ATRNL1: variants seen among roughly 807,000 people sequenced by gnomAD.
The protein encoded by ATRNL1 is attractin like 1, also known as attractin-like protein 1.
A neutral mutation model predicts 182.7 loss-of-function variants in ATRNL1; 95 were observed. The observed-to-expected ratio is 0.52, with a 90% confidence interval of 0.44 to 0.62. The LOEUF is 0.62. ATRNL1 is among the 20% of genes least tolerant of loss of function. ATRNL1 has a pLI of 0.00. For synonymous variants in ATRNL1, 576 were observed against 568.3 expected (o/e 1.01, Z -0.19); for missense variants, 1,471 against 1,679.5 (o/e 0.88, Z 2.17).
intron 27 of ATRNL1, among the ~76,000 whole-genome samples, chr10:115,766,445 A>T (rs7914740): frequency 1.3e-5 from 2 of 152,322 alleles, no homozygotes; most frequent in East Asian, 3.9e-4. Context: ...TTGTTATGCA[A>T]CCTTTGACTC....
chr10:115,387,344 G>A (rs537283313), intron 19 of ATRNL1, among the ~76,000 whole-genome samples: 2 of 152,114 alleles, frequency 1.3e-5, no homozygotes, highest in African/African-American at 2.4e-5. Flanking sequence ...CAAGATTTGT[G>A]TGTCTCTATA....
At chr10:115,602,713 A>G (rs1346952391) in intron 26 of ATRNL1, among the ~76,000 whole-genome samples, 2 of 152,186 alleles carry the variant, frequency 1.3e-5, no homozygotes, top group African/African-American at 4.8e-5. Context: ...TATACAAAAA[A>G]TTAGCCGGGC....
At chr10:115,177,926 T>G (rs1414292087) in intron 8 of ATRNL1, among the ~76,000 whole-genome samples, 2 of 25,906 alleles carry the variant, frequency 7.7e-5, no homozygotes, top group Non-Finnish European at 1.5e-4. Flanking sequence ...TTTTTTTTGT[T>G]TTTTTTTTTT....
chr10:115,410,161 A>G (rs1554959536), intron 20 of ATRNL1, among the ~76,000 whole-genome samples: 2 of 152,052 alleles, frequency 1.3e-5, no homozygotes, highest in Non-Finnish European at 2.9e-5. Context: ...AATGTCCATC[A>G]GTGATATTAG....
intron 26 of ATRNL1, among the ~76,000 whole-genome samples, chr10:115,648,955 C>T (rs1859809486): frequency 6.6e-6 from 1 of 152,078 alleles, no homozygotes; most frequent in Non-Finnish European, 1.5e-5. Context: ...GTGTTCACCT[C>T]TAGCCTCTGT....
intron 27 of ATRNL1, among the ~76,000 whole-genome samples, chr10:115,754,094 T>G (rs537032462): frequency 7.2e-5 from 11 of 152,318 alleles, no homozygotes; most frequent in African/African-American, 2.6e-4. Flanking sequence ...ATGGATAGAT[T>G]GCAGAAATTT....
intron 26 of ATRNL1, among the ~76,000 whole-genome samples, chr10:115,595,334 A>T (rs17093333): frequency 0.019 from 2,967 of 152,272 alleles, 64 homozygotes; most frequent in East Asian, 0.12. Context: ...ACGAGTTTTC[A>T]ACTGGAAAAT....
At chr10:115,096,885 G>A in intron 1 of ATRNL1, 1 of 939,072 alleles carries the variant, frequency 1.1e-6, no homozygotes. Context: ...CTAGACTAAA[G>A]GACTTGGGAT....
intron 17 of ATRNL1, among the ~76,000 whole-genome samples, chr10:115,313,056 T>C (rs1854115321): frequency 1.3e-5 from 2 of 152,024 alleles, no homozygotes; most frequent in Admixed American, 6.6e-5. Context: ...CATTTTCTTA[T>C]GTTGGTTTTC....
At chr10:115,523,239 A>G (rs186414163) in intron 25 of ATRNL1, among the ~76,000 whole-genome samples, 1 of 152,112 alleles carries the variant, frequency 6.6e-6, no homozygotes, top group Non-Finnish European at 1.5e-5. Context: ...GGGCATGGCA[A>G]TGTTGTCCCA....
chr10:115,485,412 A>T (rs1158450818), intron 24 of ATRNL1, among the ~76,000 whole-genome samples: 1 of 152,022 alleles, frequency 6.6e-6, no homozygotes, highest in Non-Finnish European at 1.5e-5. Flanking sequence ...TTTGAGGTAT[A>T]TATACATTTT....
chr10:115,607,554 A>G (rs1856935106), intron 26 of ATRNL1, among the ~76,000 whole-genome samples: 1 of 151,878 alleles, frequency 6.6e-6, no homozygotes, highest in African/African-American at 2.4e-5. Context: ...TTTAGGAAAT[A>G]TAACCCCCTT....
At chr10:115,362,043 T>G (rs569184388) in intron 19 of ATRNL1, among the ~76,000 whole-genome samples, 198 of 152,198 alleles carry the variant, frequency 1.3e-3, no homozygotes, top group Non-Finnish European at 2.4e-3. Flanking sequence ...AGTAATCTGA[T>G]TAAGTCATAT....
At chr10:115,304,698 C>A (rs1333856241) in intron 17 of ATRNL1, among the ~76,000 whole-genome samples, 4 of 152,104 alleles carry the variant, frequency 2.6e-5, no homozygotes, top group Admixed American at 2.6e-4. Flanking sequence ...AAAAAACTGG[C>A]CTTCCCACCC....
At chr10:115,336,575 A>C (rs1554936763) in intron 19 of ATRNL1, among the ~76,000 whole-genome samples, 1 of 152,188 alleles carries the variant, frequency 6.6e-6, no homozygotes, top group Admixed American at 6.5e-5. Flanking sequence ...TTCACATTAC[A>C]ATTTGTGTGT....
At chr10:115,600,083 A>ATG (rs1353113461) in intron 26 of ATRNL1, among the ~76,000 whole-genome samples, 2 of 152,176 alleles carry the variant, frequency 1.3e-5, no homozygotes, top group South Asian at 4.2e-4. Flanking sequence ...ATTATGCAGC[A>ATG]TGTGTGTGTG....
intron 27 of ATRNL1, among the ~76,000 whole-genome samples, chr10:115,783,158 C>A (rs192873353): frequency 5.9e-5 from 9 of 151,984 alleles, no homozygotes; most frequent in African/African-American, 1.7e-4. Context: ...GAATTGTTAA[C>A]CCTTCTCAAT....
chr10:115,927,234 C>T (rs570312934), intron 28 of ATRNL1, among the ~76,000 whole-genome samples: 149 of 152,162 alleles, frequency 9.8e-4, no homozygotes, highest in Non-Finnish European at 1.1e-3. Flanking sequence ...GTTAAAAGCT[C>T]TCAGGTATTG....
chr10:115,567,686 T>A (rs1324974201), intron 26 of ATRNL1, among the ~76,000 whole-genome samples: 2 of 152,118 alleles, frequency 1.3e-5, no homozygotes, highest in Non-Finnish European at 2.9e-5. Flanking sequence ...ATGCAGGAAC[T>A]TTTTTTAAAT....
Sources: allele counts gnomAD v4.1 joint callset (sites outside exome capture counted in the v4.1 genomes callset), GRCh38; gene constraint gnomAD v4.1.1; transcripts MANE v1.5; gene names NCBI Gene and HGNC (gene_info 2026-07-23, HGNC 2026-07-21).